Variants in CCDC85A observed in about 807,000 individuals in gnomAD.
The protein encoded by CCDC85A is coiled-coil domain-containing protein 85A.
A neutral mutation model predicts 50.2 loss-of-function variants in CCDC85A; 38 were observed. That is an observed-to-expected ratio of 0.76 (90% CI 0.58 to 0.99). CCDC85A has a LOEUF of 0.99. CCDC85A is among the 50% of genes least tolerant of loss of function. The pLI, the probability that CCDC85A is intolerant of heterozygous loss-of-function variation, is 0.00. For missense variants in CCDC85A, 820 were observed against 742.0 expected, an observed-to-expected ratio of 1.11 and a Z score of -1.22; for synonymous variants, 366 against 301.4, an observed-to-expected ratio of 1.21 and a Z score of -2.22.
chr2:56,272,594 T>TATA (rs1450369784), intron 2 of CCDC85A, among the ~76,000 whole-genome samples: 1 of 152,150 alleles, frequency 6.6e-6, no homozygotes, highest in Non-Finnish European at 1.5e-5. Context: ...AGGGACATCA[T>TATA]ATATAGCAGA....
chr2:56,383,959 G>T (rs1003180066), intron 5 of CCDC85A, among the ~76,000 whole-genome samples: 2 of 151,938 alleles, frequency 1.3e-5, no homozygotes, highest in African/African-American at 4.8e-5. Context: ...CTGTTTAAGA[G>T]TTCCTCAAGT....
chr2:56,270,747 G>A (rs974298057), intron 2 of CCDC85A, among the ~76,000 whole-genome samples: 2 of 152,206 alleles, frequency 1.3e-5, no homozygotes, highest in African/African-American at 4.8e-5. Flanking sequence ...ATTTAGAAGT[G>A]TCCAGAAATC....
chr2:56,231,641 T>C (rs1208147363), intron 2 of CCDC85A, among the ~76,000 whole-genome samples: 3 of 152,148 alleles, frequency 2.0e-5, no homozygotes, highest in Admixed American at 2.0e-4. Flanking sequence ...GGTTTTTTAA[T>C]GGGGTGCCTA....
intron 2 of CCDC85A, among the ~76,000 whole-genome samples, chr2:56,300,380 G>A (rs1156686604): frequency 6.6e-6 from 1 of 152,216 alleles, no homozygotes; most frequent in East Asian, 1.9e-4. Flanking sequence ...TAGGCTGTTA[G>A]CAAAGGCAAT....
chr2:56,347,502 C>G (rs1054636782), intron 3 of CCDC85A, among the ~76,000 whole-genome samples: 2 of 152,158 alleles, frequency 1.3e-5, no homozygotes, highest in Non-Finnish European at 2.9e-5. Flanking sequence ...TGCATTCCTG[C>G]TTTAAAATAA....
chr2:56,216,566 T>TA (rs1240829139), intron 2 of CCDC85A, among the ~76,000 whole-genome samples: 1 of 151,812 alleles, frequency 6.6e-6, no homozygotes, highest in Non-Finnish European at 1.5e-5. Context: ...TTTGTTGTCT[T>TA]TTTTTCCTTA....
At chr2:56,296,224 C>G (rs1671941357) in intron 2 of CCDC85A, among the ~76,000 whole-genome samples, 1 of 152,050 alleles carries the variant, frequency 6.6e-6, no homozygotes, top group Non-Finnish European at 1.5e-5. Context: ...CCTGGGTACC[C>G]TTTTTTGCTA....
chr2:56,346,503 A>C (rs1027741493), intron 3 of CCDC85A, among the ~76,000 whole-genome samples: 1 of 152,192 alleles, frequency 6.6e-6, no homozygotes, highest in Non-Finnish European at 1.5e-5. Context: ...CTGTACAGCC[A>C]CCGTGGCAAG....
At chr2:56,198,706 A>G (rs959876950) in intron 2 of CCDC85A, among the ~76,000 whole-genome samples, 4 of 152,212 alleles carry the variant, frequency 2.6e-5, no homozygotes, top group African/African-American at 9.6e-5. Flanking sequence ...AAGGTTTTCA[A>G]CTCCACTGAC....
Position 56,372,493 on chromosome 2 carries a change from G to A in CCDC85A, c.1452+15G>A. On this transcript the variant is annotated intron_variant, in intron 4 of 5. Coordinates refer to ENST00000407595, the MANE Select transcript of CCDC85A (RefSeq NM_001080433.2). Reference sequence around the variant, plus strand: ...CTACTCTCCCGGTGAGTGAAGATGAGTCAGCTGGATGCATTTGCTTGTGCA... The same window carrying A: ...CTACTCTCCCGGTGAGTGAAGATGAATCAGCTGGATGCATTTGCTTGTGCA... 1.3e-6 allele frequency: 2 copies of A among 1,575,224 alleles called. No homozygotes were observed. Among genetic ancestry groups the A allele is most frequent in the South Asian group, 1.2e-5 (1 of 85,320 alleles).
rs550627259 is a variant in CCDC85A, at chr2:56,262,411, C to T, written c.1240+68971C>T. ...AATTGCCAGAAATGTTTCTTTTTCT[C>T]GGTCTAATACAAATGGACTTCTGCC... On this transcript the variant is annotated intron_variant, in intron 2 of 5. Coordinates refer to ENST00000407595, the MANE Select transcript of CCDC85A (RefSeq NM_001080433.2). 5.9e-5 allele frequency among the ~76,000 whole-genome samples: 9 copies of T among 152,252 alleles called. No individual in the cohort carries two copies. In the South Asian group the frequency reaches 8.3e-4, roughly 14 times the overall value.
At chr2:56,350,409 A>G (rs1478804871) in intron 3 of CCDC85A, among the ~76,000 whole-genome samples, 2 of 152,168 alleles carry the variant, frequency 1.3e-5, no homozygotes, top group African/African-American at 4.8e-5. Flanking sequence ...CATCTCTACT[A>G]AAAATACAAA....
intron 3 of CCDC85A, among the ~76,000 whole-genome samples, chr2:56,367,885 A>T (rs980662643): frequency 6.6e-6 from 1 of 152,134 alleles, no homozygotes. Context: ...TTCCAAGCCC[A>T]TAGAGTGACC....
chr2:56,353,374 T>A (rs1274231687), intron 3 of CCDC85A, among the ~76,000 whole-genome samples: 1 of 152,234 alleles, frequency 6.6e-6, no homozygotes, highest in Non-Finnish European at 1.5e-5. Flanking sequence ...ACAATATACA[T>A]ATTTAAAAAT....
rs202118717 is a variant in CCDC85A, at chr2:56,268,609, A to AAG, written c.1241-74270_1241-74269insAG. 2.7e-5 allele frequency among the ~76,000 whole-genome samples: 4 copies of AAG among 148,630 alleles called. No homozygotes were observed. The South Asian group carries it at 8.5e-4, about 31-fold the overall frequency. On this transcript the variant is annotated intron_variant, in intron 2 of 5. Transcript: ENST00000407595. ...GATTCCGTCTCAAAAAAAAAAAAAAAGAAAAGAAAAGAAAAGAAGAAAAAA... is the reference window on the plus strand; with the variant it reads ...GATTCCGTCTCAAAAAAAAAAAAAAAAGGAAAAGAAAAGAAAAGAAGAAAAAA...
intron 2 of CCDC85A, among the ~76,000 whole-genome samples, chr2:56,312,104 G>GA (rs1429575442): frequency 6.6e-6 from 1 of 152,090 alleles, no homozygotes; most frequent in Non-Finnish European, 1.5e-5. Flanking sequence ...CGAAGGATAA[G>GA]AAAAAATGAT....
chr2:56,350,153 CT>C (rs1185769694), intron 3 of CCDC85A, among the ~76,000 whole-genome samples: 20 of 141,004 alleles, frequency 1.4e-4, no homozygotes, highest in African/African-American at 3.8e-4. Flanking sequence ...TTTTCTTTTC[CT>C]TTTTTTTTTC....
At chr2:56,343,664 C>G (rs988405788) in intron 3 of CCDC85A, among the ~76,000 whole-genome samples, 1 of 152,052 alleles carries the variant, frequency 6.6e-6, no homozygotes, top group African/African-American at 2.4e-5. Flanking sequence ...GGTTGGTTTC[C>G]TTTTCAAGCA....
At chr2:56,311,442 G>A (rs1277695513) in intron 2 of CCDC85A, among the ~76,000 whole-genome samples, 1 of 151,540 alleles carries the variant, frequency 6.6e-6, no homozygotes, top group East Asian at 1.9e-4. Flanking sequence ...TTAAGCTAAT[G>A]ATCTGTTCAT....
Sources: allele counts gnomAD v4.1 joint callset (sites outside exome capture counted in the v4.1 genomes callset), GRCh38; gene constraint gnomAD v4.1.1; transcripts MANE v1.5; gene names NCBI Gene and HGNC (gene_info 2026-07-23, HGNC 2026-07-21).